The following RBM6 variants were observed in gnomAD, a reference collection of about 807,000 sequenced individuals.
RBM6 encodes RNA binding motif protein 6, also known as RNA-binding protein 6.
In RBM6, 23 loss-of-function variants were observed where a neutral mutation model predicts 140.4. The observed-to-expected ratio is 0.16, with a 90% CI of 0.12 to 0.23. The LOEUF (loss-of-function observed/expected upper bound fraction) is 0.23, where lower values mean the gene tolerates loss of function less well. RBM6 is among the 10% of genes least tolerant of loss of function. RBM6 has a pLI of 1.00. For missense variants in RBM6, 1,139 were observed against 1,386.7 expected, an observed-to-expected ratio of 0.82 and a Z score of 2.84; for synonymous variants, 439 against 475.6, an observed-to-expected ratio of 0.92 and a Z score of 1.00.
chr3:49,985,579 T>G lies in RBM6; in HGVS notation c.1483+10187T>G, dbSNP rs1214757910. On this transcript the variant is annotated intron_variant, in intron 5 of 20. Coordinates refer to ENST00000266022, the MANE Select transcript of RBM6 (RefSeq NM_005777.3). ...TCAATATACCACTGAATTGTATGTA[T>G]TCACTCTTTTAAGAATGAGTTTATT... Among the ~76,000 whole-genome samples the G allele has an allele frequency of 2.0e-5, 3 of 152,218 alleles. No homozygotes were observed. In the East Asian group the frequency reaches 5.8e-4, roughly 29 times the overall value.
Position 50,058,445 on chromosome 3 carries a change from G to A in RBM6, c.2013G>A (p.Val671=), listed in dbSNP as rs1437738843. The A allele has an allele frequency of 2.5e-6, 4 of 1,608,780 alleles. No individual in the cohort carries two copies. The African/African-American group carries it at 4.0e-5, about 16-fold the overall frequency. ...KRIYRSTPPE[V]IVEVLEPYVR... ...TCTATCGTTCCACACCACCTGAGGT[G>A]ATAGTGGAAGTGCTGGAGCCCTATG... Residue 671 remains valine, a synonymous_variant, in exon 10 of 21, where the codon GTG becomes GTA. Transcript: ENST00000266022.
chr3:50,046,338 G>A (rs1453599206), intron 6 of RBM6, among the ~76,000 whole-genome samples: 1 of 151,522 alleles, frequency 6.6e-6, no homozygotes, highest in Admixed American at 6.6e-5. Flanking sequence ...CCAGCACTTT[G>A]GGAGGCCGAG....
rs567512456 is a variant in RBM6 at position 50,061,358 on chromosome 3, C to G, written c.2354-104C>G. ...ATCCAGAGAGAGGCATCTGTAGATG[C>G]ACCTATTTGTGTTGGTCACCCTAAT... is the stretch of plus-strand genomic sequence containing the variant. On this transcript the variant is annotated intron_variant, in intron 13 of 20. Coordinates refer to ENST00000266022, the MANE Select transcript of RBM6 (RefSeq NM_005777.3). The G allele has an allele frequency of 2.5e-5, 39 of 1,579,732 alleles. No homozygotes were observed. The African/African-American group carries it at 4.8e-4, about 19-fold the overall frequency.
chr3:49,962,698 A>C lies in RBM6; in HGVS notation c.44+13A>C, dbSNP rs1323502878. 7.7e-6 allele frequency: 12 copies of C among 1,563,818 alleles called. No individual in the cohort carries two copies. Among genetic ancestry groups the C allele is most frequent in the Non-Finnish European group, 1.0e-5 (12 of 1,161,032 alleles). On this transcript the variant is annotated intron_variant, in intron 2 of 20. Coordinates refer to ENST00000266022, the MANE Select transcript of RBM6 (RefSeq NM_005777.3). ...CTGGACCTTTTCGGTAAGTTCTCAA[A>C]TTTGAATATTGAAATTGCCAGTATT...
chr3:50,012,870 G>A (rs2086924799), intron 6 of RBM6, among the ~76,000 whole-genome samples: 1 of 150,108 alleles, frequency 6.7e-6, no homozygotes, highest in South Asian at 2.1e-4. Context: ...AGCCTCCCAA[G>A]TAATTGGGAT....
chr3:49,984,773 G>A (rs2085488122), intron 5 of RBM6, among the ~76,000 whole-genome samples: 1 of 152,212 alleles, frequency 6.6e-6, no homozygotes, highest in Non-Finnish European at 1.5e-5. Flanking sequence ...AATCTCGGCA[G>A]TTGATAAAGC....
chr3:50,054,405 G>A lies in RBM6; in HGVS notation c.1693+10G>A, dbSNP rs771478122. 14 of 1,604,566 alleles carry A rather than the reference G, an allele frequency of 8.7e-6. No homozygotes were observed. In the African/African-American group the frequency reaches 9.4e-5, roughly 11 times the overall value. On this transcript the variant is annotated intron_variant, in intron 8 of 20. Transcript: ENST00000266022. ...AAGAACCCAAGAGAAGGTGAGTGGC[G>A]AAAGTGGTAGCAGTTTTTATCTCGT...
intron 7 of RBM6, among the ~76,000 whole-genome samples, chr3:50,050,395 A>AT (rs1163836938): frequency 6.6e-6 from 1 of 152,036 alleles, no homozygotes; most frequent in Non-Finnish European, 1.5e-5. Context: ...TCAGTACCTC[A>AT]TTTCTTTTTG....
At chr3:50,000,474 G>A (rs570096277) in intron 6 of RBM6, among the ~76,000 whole-genome samples, 12 of 145,854 alleles carry the variant, frequency 8.2e-5, no homozygotes, top group Admixed American at 2.8e-4. Flanking sequence ...AGGCTGGATT[G>A]CAATGGTGCG....
chr3:50,063,541 G>A (rs2090015552), intron 15 of RBM6, among the ~76,000 whole-genome samples: 2 of 150,814 alleles, frequency 1.3e-5, no homozygotes, highest in Admixed American at 6.6e-5. Flanking sequence ...AGATTGCAGT[G>A]AGCTGTGATT....
chr3:50,057,587 CAAAA>C (rs4030422), intron 8 of RBM6, 137 bp from the exon 9 acceptor site: 719 of 217,996 alleles, frequency 3.3e-3, no homozygotes, highest in Middle Eastern at 8.9e-3. Flanking sequence ...AACTCCGTCT[CAAAA>C]AAAAAAAAAA....
At chr3:49,974,465 G>A (rs541461856) in intron 4 of RBM6, among the ~76,000 whole-genome samples, 36 of 148,300 alleles carry the variant, frequency 2.4e-4, no homozygotes, top group Non-Finnish European at 4.8e-4. Context: ...TCCTTCTCCC[G>A]GGTTCACGCC....
chr3:50,051,178 A>G (rs187174733), intron 7 of RBM6, among the ~76,000 whole-genome samples: 1 of 152,222 alleles, frequency 6.6e-6, no homozygotes, highest in East Asian at 1.9e-4. Context: ...CATCTCTACA[A>G]AAAATACAAA....
At chr3:49,957,186 A>G (rs1212547324) in intron 1 of RBM6, among the ~76,000 whole-genome samples, 2 of 151,568 alleles carry the variant, frequency 1.3e-5, no homozygotes, top group Non-Finnish European at 2.9e-5. Flanking sequence ...GTCTTGCTAT[A>G]TTGCCTAGGC....
At chr3:50,021,274 A>G (rs570607242) in intron 6 of RBM6, among the ~76,000 whole-genome samples, 1 of 152,160 alleles carries the variant, frequency 6.6e-6, no homozygotes, top group Non-Finnish European at 1.5e-5. Context: ...TATCTGTAGG[A>G]TAGGAGAGTC....
intron 6 of RBM6, among the ~76,000 whole-genome samples, chr3:50,033,215 T>C (rs919917420): frequency 1.3e-5 from 2 of 151,918 alleles, no homozygotes; most frequent in Non-Finnish European, 2.9e-5. Flanking sequence ...GAGAAGTGCT[T>C]GAACCCGGGA....
At chr3:49,991,714 C>T (rs1030735846) in intron 5 of RBM6, among the ~76,000 whole-genome samples, 6 of 152,074 alleles carry the variant, frequency 3.9e-5, no homozygotes, top group African/African-American at 7.2e-5. Flanking sequence ...GTGGGGTTGC[C>T]GTTTAACCCA....
rs764936183 is a variant in RBM6 at position 50,077,029 on chromosome 3, C to T, written c.3268C>T (p.Pro1090Ser). The T allele has an allele frequency of 2.5e-6, 4 of 1,611,678 alleles. No homozygotes were observed. The Admixed American group carries it at 6.7e-5, about 27-fold the overall frequency. ...ACAGGCTGAAGGCCGGATGAGGGGC[C>T]CCAGTGTTGGAGCCTCAGGAAGAAC... ...SEEAEGRMRGPSVGASGRTSK... is the reference protein window; with the variant it reads ...SEEAEGRMRGSSVGASGRTSK... Residue 1090 changes from proline (P) to serine (S), a missense_variant, in exon 21 of 21, where the codon CCC (proline) becomes TCC (serine). Physicochemically the swap from Pro to Ser is moderately conservative, Grantham distance 74. Around this residue, in one of 9 missense-constraint regions of RBM6, gnomAD observed 125 missense variants for 142.0 expected, o/e 0.88. Transcript: ENST00000266022.
intron 6 of RBM6, among the ~76,000 whole-genome samples, chr3:50,018,337 C>T (rs972428080): frequency 1.3e-5 from 2 of 152,084 alleles, no homozygotes; most frequent in African/African-American, 4.8e-5. Context: ...TAGTCTCATT[C>T]CTCTATGTCT....
Sources: allele counts gnomAD v4.1 joint callset (sites outside exome capture counted in the v4.1 genomes callset), GRCh38; gene constraint gnomAD v4.1.1; regional missense constraint gnomAD v4.1.1; transcripts MANE v1.5; gene names NCBI Gene and HGNC (gene_info 2026-07-23, HGNC 2026-07-21).